DTD1: variants seen among roughly 807,000 people sequenced by gnomAD.
DTD1 encodes D-tyrosyl-tRNA deacylase 1 homolog.
In DTD1, 13 loss-of-function variants were observed where a neutral mutation model predicts 25.6. The ratio of observed to expected loss-of-function variants is 0.51; its 90% CI spans 0.33 to 0.81. DTD1 has a LOEUF of 0.81. Ranked by LOEUF, DTD1 falls within the 30% of genes least tolerant of loss-of-function variation. DTD1 has a pLI of 0.02. For missense variants in DTD1, 193 were observed against 266.4 expected (o/e 0.72, Z 1.92); for synonymous variants, 110 against 103.6 (o/e 1.06, Z -0.37).
chr20:18,747,549 C>T (rs564198153), intron 5 of DTD1, among the ~76,000 whole-genome samples: 12 of 152,204 alleles, frequency 7.9e-5, no homozygotes, highest in Non-Finnish European at 1.2e-4. Flanking sequence ...TTAGTAATTA[C>T]TTGGTCCAGA....
intron 4 of DTD1, among the ~76,000 whole-genome samples, chr20:18,712,289 C>T (rs865821486): frequency 6.8e-6 from 1 of 147,678 alleles, no homozygotes; most frequent in African/African-American, 2.5e-5. Flanking sequence ...GGGATTAGCA[C>T]AAGAATAAGC....
intron 3 of DTD1, among the ~76,000 whole-genome samples, chr20:18,619,115 G>A (rs2060722721): frequency 6.6e-6 from 1 of 152,140 alleles, no homozygotes. Context: ...AAAGTGCTGG[G>A]ATTACAGGCA....
At chr20:18,735,581 C>A (rs1309286287) in intron 4 of DTD1, among the ~76,000 whole-genome samples, 1 of 152,320 alleles carries the variant, frequency 6.6e-6, no homozygotes, top group South Asian at 2.1e-4. Context: ...AATTGATTGT[C>A]ACAATCTAAG....
At chr20:18,751,780 C>T (rs1387310920) in intron 5 of DTD1, among the ~76,000 whole-genome samples, 3 of 151,966 alleles carry the variant, frequency 2.0e-5, no homozygotes, top group African/African-American at 7.2e-5. Context: ...AGGAGTGAGC[C>T]ACCATGGCCG....
intron 4 of DTD1, among the ~76,000 whole-genome samples, chr20:18,711,930 C>T (rs6081319): frequency 0.53 from 68,110 of 127,546 alleles, 16,791 homozygotes; most frequent in Non-Finnish European, 0.6. Context: ...TGCCGGGGGT[C>T]GGGGGGCACG....
intron 5 of DTD1, among the ~76,000 whole-genome samples, chr20:18,762,801 C>G (rs1201189802): frequency 6.6e-6 from 1 of 151,756 alleles, no homozygotes; most frequent in African/African-American, 2.4e-5. Flanking sequence ...TATTTTTTCT[C>G]TCTTGCCTTT....
chr20:18,760,860 C>T (rs1228193012), intron 5 of DTD1, among the ~76,000 whole-genome samples: 1 of 152,234 alleles, frequency 6.6e-6, no homozygotes, highest in Non-Finnish European at 1.5e-5. Context: ...AGGCAGGCCT[C>T]CTTGAGCTGC....
intron 4 of DTD1, among the ~76,000 whole-genome samples, chr20:18,715,118 T>C (rs965580635): frequency 1.3e-5 from 2 of 152,112 alleles, no homozygotes; most frequent in African/African-American, 2.4e-5. Flanking sequence ...CTGCCATTGG[T>C]CCACCCCGAG....
intron 4 of DTD1, among the ~76,000 whole-genome samples, chr20:18,728,408 C>T (rs2061229838): frequency 2.0e-5 from 3 of 152,182 alleles, no homozygotes; most frequent in Admixed American, 1.3e-4. Context: ...CCCTCTAGCC[C>T]AGCGCTTCCT....
In DTD1 at chr20:18,588,062, C is replaced by T. The variant is rs996194905; in HGVS notation, c.-11C>T. The T allele has an allele frequency of 8.6e-6, 12 of 1,400,194 alleles. No homozygotes were observed. Among genetic ancestry groups the T allele is most frequent in the Non-Finnish European group, 5.5e-6 (6 of 1,083,226 alleles). 86.7% of individuals were successfully genotyped at this position (1,400,194 alleles called of 1,614,324 possible). On this transcript the variant is annotated 5_prime_UTR_variant, in exon 1 of 6. Transcript: ENST00000377452. ...CAGCGCGGCGCCGCCCCACTCGCCC[C>T]AGCCGCCGCCATGAAGGCCGTGGTG... is the stretch of plus-strand genomic sequence containing the variant.
At chr20:18,680,097 T>C (rs1399220466) in intron 4 of DTD1, among the ~76,000 whole-genome samples, 1 of 151,796 alleles carries the variant, frequency 6.6e-6, no homozygotes, top group Non-Finnish European at 1.5e-5. Flanking sequence ...GGGAGGGGAG[T>C]GTGCTTCAAA....
At chr20:18,599,562 A>G (rs1401332078) in intron 3 of DTD1, among the ~76,000 whole-genome samples, 1 of 152,218 alleles carries the variant, frequency 6.6e-6, no homozygotes, top group Admixed American at 6.5e-5. Context: ...GCTGGACTTA[A>G]TAAGAGTATG....
In DTD1 at chr20:18,763,504, G is replaced by A. The variant is rs1316704589; in HGVS notation, c.*164G>A. ...GAATAGCTCTGCAAAAAACACCAAA[G>A]GACCGTTTTATCGTTTTCTGTTGTT... On this transcript the variant is annotated 3_prime_UTR_variant, in exon 6 of 6. Coordinates refer to ENST00000377452, the MANE Select transcript of DTD1 (RefSeq NM_080820.6). 5 of 152,712 alleles carry A rather than the reference G, an allele frequency of 3.3e-5. No homozygotes were observed. Among genetic ancestry groups the A allele is most frequent in the African/African-American group, 9.6e-5 (4 of 41,462 alleles). The allele number at this position is 152,712 out of a possible 1,614,324, so 9.5% of individuals were successfully genotyped here.
At chr20:18,661,100 C>G (rs536928683) in intron 4 of DTD1, among the ~76,000 whole-genome samples, 9 of 152,160 alleles carry the variant, frequency 5.9e-5, no homozygotes, top group Non-Finnish European at 1.3e-4. Flanking sequence ...GTTCATTCAT[C>G]TTTGTGCCTA....
chr20:18,660,529 A>C (rs955143496), intron 4 of DTD1, among the ~76,000 whole-genome samples: 4 of 152,164 alleles, frequency 2.6e-5, no homozygotes, highest in African/African-American at 4.8e-5. Flanking sequence ...CCCAAAAAAG[A>C]AGCTTTTATT....
chr20:18,728,535 T>G (rs1388347399), intron 4 of DTD1, among the ~76,000 whole-genome samples: 1 of 152,176 alleles, frequency 6.6e-6, no homozygotes, highest in African/African-American at 2.4e-5. Context: ...GATCTGCCAT[T>G]GCTGCTCCCA....
intron 4 of DTD1, among the ~76,000 whole-genome samples, chr20:18,629,652 T>G (rs2060775794): frequency 6.6e-6 from 1 of 151,110 alleles, no homozygotes. Flanking sequence ...TGTTTCTGTA[T>G]TAGTTTATTC....
At chr20:18,696,378 G>A (rs1382071913) in intron 4 of DTD1, among the ~76,000 whole-genome samples, 1 of 152,088 alleles carries the variant, frequency 6.6e-6, no homozygotes, top group African/African-American at 2.4e-5. Flanking sequence ...CGTCTTTCTC[G>A]GTCTCAGGTG....
rs559053883 is a variant in DTD1 at position 18,691,196 on chromosome 20, A to T, written c.478-52904A>T. On this transcript the variant is annotated intron_variant, in intron 4 of 5. Transcript: ENST00000377452. ...AATTAGTACAGCCACTGTGGAAAGC[A>T]GTTTGGAGATTTCTCAAAGAACTTA... is the stretch of plus-strand genomic sequence containing the variant. Among the ~76,000 whole-genome samples the T allele has an allele frequency of 1.2e-4, 19 of 152,376 alleles. No homozygotes were observed. In the South Asian group the frequency reaches 3.7e-3, roughly 30 times the overall value.
Sources: gnomAD v4.1 joint callset for allele counts (sites outside exome capture counted in the v4.1 genomes callset) on GRCh38, gnomAD v4.1.1 for gene constraint, MANE v1.5 for transcripts, NCBI Gene and HGNC (gene_info 2026-07-23, HGNC 2026-07-21) for gene names.